ARHGAP23: variants seen among roughly 807,000 people sequenced by gnomAD.
ARHGAP23 encodes Rho GTPase activating protein 23.
In ARHGAP23, 34 loss-of-function variants were observed where a neutral mutation model predicts 136.3. That is an observed-to-expected ratio of 0.25 (90% CI 0.19 to 0.33). The LOEUF (loss-of-function observed/expected upper bound fraction) is 0.33, where lower values mean the gene tolerates loss of function less well. Ranked by LOEUF, ARHGAP23 falls within the 10% of genes least tolerant of loss-of-function variation. ARHGAP23 has a pLI of 1.00. For missense variants in ARHGAP23, 1,808 were observed against 2,139.0 expected (o/e 0.85, Z 3.05); for synonymous variants, 832 against 920.5 (o/e 0.90, Z 1.74).
At chr17:38,492,000 GT>G (rs926064110) in intron 20 of ARHGAP23, among the ~76,000 whole-genome samples, 5 of 152,234 alleles carry the variant, frequency 3.3e-5, no homozygotes, top group African/African-American at 1.2e-4. Context: ...TAGTGGTGAT[GT>G]TCCTGGTAAC....
intron 1 of ARHGAP23, among the ~76,000 whole-genome samples, chr17:38,435,574 C>G (rs2038776795): frequency 6.6e-6 from 1 of 152,216 alleles, no homozygotes; most frequent in Non-Finnish European, 1.5e-5. Flanking sequence ...TCCTTGGCCT[C>G]ACGGCAGTCT....
intron 23 of ARHGAP23, among the ~76,000 whole-genome samples, chr17:38,506,164 C>T (rs1304149378): frequency 2.6e-5 from 4 of 152,182 alleles, no homozygotes; most frequent in African/African-American, 9.7e-5. Context: ...AAGTATTCAA[C>T]AATATGAATA....
intron 9 of ARHGAP23, 98 bp from the exon 10 acceptor site, chr17:38,469,749 C>A (rs938426907): frequency 1.3e-6 from 2 of 1,502,252 alleles, no homozygotes; most frequent in Non-Finnish European, 1.8e-6. Context: ...GTGCCTCCCC[C>A]GCTGGAAGGC....
chr17:38,466,048 C>T (rs992446249), intron 6 of ARHGAP23, 119 bp from the exon 7 acceptor site: 3 of 761,388 alleles, frequency 3.9e-6, no homozygotes, highest in Non-Finnish European at 5.8e-6. Flanking sequence ...TCGTTCCCCC[C>T]ACCGCTTGGT....
chr17:38,444,281 A>G (rs2040171898), intron 1 of ARHGAP23, among the ~76,000 whole-genome samples: 1 of 152,002 alleles, frequency 6.6e-6, no homozygotes, highest in Non-Finnish European at 1.5e-5. Context: ...CTGGGCCAGC[A>G]GGGGGCTCTG....
At chr17:38,456,011 T>C (rs1463781577) in intron 1 of ARHGAP23, among the ~76,000 whole-genome samples, 1 of 152,118 alleles carries the variant, frequency 6.6e-6, no homozygotes, top group Non-Finnish European at 1.5e-5. Context: ...GGCCCCTGTC[T>C]GGTAGGGGGC....
At chr17:38,491,629 C>T in intron 20 of ARHGAP23, 97 bp downstream of exon 20, 1 of 1,499,626 alleles carries the variant, frequency 6.7e-7, no homozygotes, top group Non-Finnish European at 9.0e-7. Context: ...GAGTGTGCCC[C>T]AGGAAGGGCT....
chr17:38,428,729 A>C (rs2038617921), intron 1 of ARHGAP23, among the ~76,000 whole-genome samples, 181 bp downstream of exon 1: 1 of 152,060 alleles, frequency 6.6e-6, no homozygotes. Flanking sequence ...GGGCCCGAGC[A>C]AGAGCTGTCC....
intron 17 of ARHGAP23, among the ~76,000 whole-genome samples, chr17:38,486,536 CT>C (rs34888986): frequency 0.3 from 38,138 of 125,716 alleles, 5,516 homozygotes; most frequent in East Asian, 0.37. Context: ...ACCACGCTGG[CT>C]TTTTTTTTTT....
At chr17:38,465,002 G>A (rs1029832631) in intron 6 of ARHGAP23, among the ~76,000 whole-genome samples, 2 of 152,090 alleles carry the variant, frequency 1.3e-5, no homozygotes, top group African/African-American at 4.8e-5. Flanking sequence ...AGAGTCGGGT[G>A]GGGGTGAGGG....
chr17:38,478,111 C>T (rs1597813744), intron 12 of ARHGAP23, among the ~76,000 whole-genome samples: 2 of 152,168 alleles, frequency 1.3e-5, no homozygotes, highest in South Asian at 2.1e-4. Flanking sequence ...GTGCGGGGAC[C>T]GGCAGTCACC....
Position 38,469,545 on chromosome 17 carries a change from G to A in ARHGAP23, c.1826G>A (p.Arg609His), listed in dbSNP as rs938457386. ...QDCSSIKAGR[R>H]SSYLLAITTE... ...GCAGGCAGCATCAAGGCTGGCCGCC[G>A]CTCCTCCTACCTGCTGGCCATCACC... Residue 609 changes from arginine to histidine, a missense_variant, in exon 9 of 24, where the codon CGC (arginine) becomes CAC (histidine). Physicochemically the swap from Arg to His is conservative, Grantham distance 29. Around this residue, in one of 7 missense-constraint regions of ARHGAP23, gnomAD observed 859 missense variants for 936.4 expected, o/e 0.92. Coordinates refer to ENST00000622683, the MANE Select transcript of ARHGAP23 (RefSeq NM_001199417.2). The A allele has an allele frequency of 2.0e-5, 31 of 1,548,352 alleles. No homozygotes were observed. The highest frequency in any genetic ancestry group is 2.3e-4 in the Middle Eastern group (1 of 4,386).
rs967520429 is a variant in ARHGAP23, at chr17:38,511,068, T to G, written c.*96T>G. 8 of 1,257,274 alleles carry G rather than the reference T, an allele frequency of 6.4e-6. No individual in the cohort carries two copies. In the Admixed American group the frequency reaches 2.8e-4, roughly 45 times the overall value. 77.9% of individuals were successfully genotyped at this position (1,257,274 alleles called of 1,614,324 possible). A position where few individuals can be genotyped will look rare whatever the true frequency, so the allele number is the denominator to read the frequency against. The stretch of plus-strand genomic sequence containing the variant: ...CCTGCACCTCCTCTTCTGTGGCCCC[T>G]GGGTGCATGGTGTGGGTGGAGGGCG... On this transcript the variant is annotated 3_prime_UTR_variant, in exon 24 of 24. Transcript: ENST00000622683.
At chr17:38,449,421 GAC>G (rs1264451691) in intron 1 of ARHGAP23, among the ~76,000 whole-genome samples, 1 of 152,234 alleles carries the variant, frequency 6.6e-6, no homozygotes, top group Admixed American at 6.5e-5. Flanking sequence ...GCGCTGCGGA[GAC>G]ACAGGCTTGC....
intron 1 of ARHGAP23, among the ~76,000 whole-genome samples, chr17:38,430,582 G>T (rs986067112): frequency 2.0e-5 from 3 of 152,168 alleles, no homozygotes; most frequent in Non-Finnish European, 1.5e-5. Context: ...GATGTGTAAG[G>T]TTAAAAGAGA....
chr17:38,421,229 A>G (rs780459069), intron 1 of ARHGAP23, among the ~76,000 whole-genome samples: 8 of 152,156 alleles, frequency 5.3e-5, no homozygotes, highest in Non-Finnish European at 8.8e-5. Context: ...TTGGACATTC[A>G]TCCTGTCTGG....
intron 1 of ARHGAP23, among the ~76,000 whole-genome samples, chr17:38,432,677 CT>C: frequency 6.7e-6 from 1 of 149,664 alleles, no homozygotes; most frequent in South Asian, 2.1e-4. Flanking sequence ...AAAATGTAGT[CT>C]TAAAAAAAAA....
rs1274409243 is a variant in ARHGAP23, at chr17:38,466,656, G to GC, written c.979dup (p.Arg327ProfsTer27). 1.3e-6 allele frequency: 2 copies of GC among 1,511,664 alleles called. No homozygotes were observed. The highest frequency in any genetic ancestry group is 2.1e-5 in the Admixed American group (1 of 48,104). 93.6% of individuals were successfully genotyped at this position (1,511,664 alleles called of 1,614,324 possible). A position where few individuals can be genotyped will look rare whatever the true frequency, so the allele number is the denominator to read the frequency against. On this transcript the variant is annotated frameshift_variant, in exon 7 of 24. Coordinates refer to ENST00000622683, the MANE Select transcript of ARHGAP23 (RefSeq NM_001199417.2). LOFTEE classifies it high-confidence loss of function. ...CCAGGACCGGTTGGAGGAGGTGGCT[G>GC]CCCCCCGCCCGTGGCCCTGCTCCAC...
At position 38,429,827 on chromosome 17, in the gene ARHGAP23, C is replaced by T. The variant is rs72834044; in HGVS notation, c.63+1279C>T. 5.1e-3 allele frequency among the ~76,000 whole-genome samples: 774 copies of T among 152,292 alleles called. 1 individual carries two copies. The highest frequency in any genetic ancestry group is 8.7e-3 in the Non-Finnish European group (590 of 68,028). ...CCTCTCTGTCTCCACCCCAACCCTG[C>T]GGCCTAGCTGGGGGTGAGTGGCTTT... On this transcript the variant is annotated intron_variant, in intron 1 of 23. Coordinates refer to ENST00000622683, the MANE Select transcript of ARHGAP23 (RefSeq NM_001199417.2).
Sources: allele counts gnomAD v4.1 joint callset (sites outside exome capture counted in the v4.1 genomes callset), GRCh38; gene constraint gnomAD v4.1.1; regional missense constraint gnomAD v4.1.1; transcripts MANE v1.5; gene names NCBI Gene and HGNC (gene_info 2026-07-23, HGNC 2026-07-21).